Variants in NEGR1 observed in about 807,000 individuals in gnomAD.
NEGR1 encodes the protein neuronal growth regulator 1.
Under a neutral mutation model 40.9 loss-of-function variants are expected in NEGR1, and 10 were observed. The observed-to-expected ratio is 0.24, with a 90% CI of 0.15 to 0.42. NEGR1 has a LOEUF of 0.42. Ranked by LOEUF, NEGR1 falls within the 10% of genes least tolerant of loss-of-function variation. NEGR1 has a pLI of 1.00. For synonymous variants in NEGR1, 185 were observed against 166.8 expected, an observed-to-expected ratio of 1.11 and a Z score of -0.84; for missense variants, 352 against 438.9, an observed-to-expected ratio of 0.80 and a Z score of 1.77.
chr1:71,780,265 C>T (rs1283655926), intron 2 of NEGR1, among the ~76,000 whole-genome samples: 1 of 152,102 alleles, frequency 6.6e-6, no homozygotes, highest in Non-Finnish European at 1.5e-5. Flanking sequence ...TTTAAATTGT[C>T]ATGTACTTTA....
intron 1 of NEGR1, among the ~76,000 whole-genome samples, chr1:71,964,824 T>A (rs1263571742): frequency 3.3e-5 from 5 of 149,986 alleles, no homozygotes; most frequent in African/African-American, 7.3e-5. Context: ...ATAATCACAT[T>A]AAAAAAAAAA....
rs989782623 is a variant in NEGR1, at chr1:72,239,118, A to T, written c.176+43201T>A. 3.3e-5 allele frequency among the ~76,000 whole-genome samples: 5 copies of T among 151,916 alleles called. 1 individual carries two copies. The highest frequency in any genetic ancestry group is 1.2e-4 in the African/African-American group (5 of 41,434). ...TCAAGAATAATTGTCCCATTTTTCA[A>T]ATAAGAAAAAAATAAAAACAATAAA... On this transcript the variant is annotated intron_variant, in intron 1 of 6. Coordinates refer to ENST00000357731, the MANE Select transcript of NEGR1 (RefSeq NM_173808.3).
At position 71,999,632 on chromosome 1, in the gene NEGR1, AATATATATATATATAT is replaced by A. The variant is rs528857972; in HGVS notation, c.177-64337_177-64322del. Among the ~76,000 whole-genome samples the A allele has an allele frequency of 8.5e-3, 410 of 48,346 alleles. 19 individuals are homozygous for A. Among genetic ancestry groups the A allele is most frequent in the East Asian group, 0.042 (146 of 3,470 alleles). The allele number at this position is 48,346 out of a possible 152,430, so 31.7% of individuals were successfully genotyped here. ...ATGTATTTGCATCTTGAGCAAAGCA[AATATATATATATATAT>A]ATATATATATATATATATATATATA... On this transcript the variant is annotated intron_variant, in intron 1 of 6. Coordinates refer to ENST00000357731, the MANE Select transcript of NEGR1 (RefSeq NM_173808.3).
chr1:71,735,208 T>G (rs1160576888), intron 3 of NEGR1, among the ~76,000 whole-genome samples: 1 of 152,166 alleles, frequency 6.6e-6, no homozygotes, highest in Non-Finnish European at 1.5e-5. Flanking sequence ...AGGTTTAGTA[T>G]TCATCTTTCA....
At chr1:71,741,464 G>T (rs1655211027) in intron 3 of NEGR1, among the ~76,000 whole-genome samples, 1 of 151,958 alleles carries the variant, frequency 6.6e-6, no homozygotes, top group Non-Finnish European at 1.5e-5. Flanking sequence ...CTTTCAGGTT[G>T]ATCTTTCTGG....
At chr1:72,111,488 T>G (rs1457895218) in intron 1 of NEGR1, among the ~76,000 whole-genome samples, 1 of 151,678 alleles carries the variant, frequency 6.6e-6, no homozygotes, top group Non-Finnish European at 1.5e-5. Flanking sequence ...CCAACATGCA[T>G]AAAGTGCTGC....
intron 1 of NEGR1, among the ~76,000 whole-genome samples, chr1:72,077,828 AG>A (rs1269070192): frequency 6.6e-6 from 1 of 152,056 alleles, no homozygotes; most frequent in Non-Finnish European, 1.5e-5. Context: ...AAAAAGAAAA[AG>A]GGGATGAAAA....
intron 6 of NEGR1, among the ~76,000 whole-genome samples, chr1:71,586,366 G>A (rs1474844011): frequency 1.3e-5 from 2 of 152,148 alleles, no homozygotes; most frequent in Admixed American, 1.3e-4. Context: ...AATGTGATGG[G>A]TAGGAAAATA....
At chr1:71,798,384 A>G (rs1657418043) in intron 2 of NEGR1, 1 of 152,214 alleles carries the variant, frequency 6.6e-6, no homozygotes, top group South Asian at 2.1e-4. Flanking sequence ...GAGTAAGCAA[A>G]GAAAGTATAT....
At chr1:71,954,723 T>C (rs1031220085) in intron 1 of NEGR1, among the ~76,000 whole-genome samples, 7 of 151,992 alleles carry the variant, frequency 4.6e-5, no homozygotes, top group South Asian at 2.1e-4. Flanking sequence ...AAAAAGGAAA[T>C]TGGAGAAATC....
At chr1:71,503,718 C>A (rs765015610) in intron 6 of NEGR1, among the ~76,000 whole-genome samples, 1 of 151,864 alleles carries the variant, frequency 6.6e-6, no homozygotes, top group Non-Finnish European at 1.5e-5. Context: ...AAAACCACTC[C>A]TAGAAGATCC....
At chr1:71,778,188 G>T (rs150158067) in intron 2 of NEGR1, among the ~76,000 whole-genome samples, 2,955 of 151,930 alleles carry the variant, frequency 0.019, 112 homozygotes, top group Admixed American at 0.099. Context: ...TATATATATA[G>T]AGAGAGAGAC....
At chr1:71,895,793 A>G (rs899942770) in intron 2 of NEGR1, among the ~76,000 whole-genome samples, 4 of 152,094 alleles carry the variant, frequency 2.6e-5, no homozygotes, top group Admixed American at 2.6e-4. Flanking sequence ...TATATTTTCA[A>G]TTTTACTGGA....
At chr1:71,894,801 G>A (rs1660920733) in intron 2 of NEGR1, among the ~76,000 whole-genome samples, 1 of 152,286 alleles carries the variant, frequency 6.6e-6, no homozygotes, top group African/African-American at 2.4e-5. Context: ...TAAGCCACTT[G>A]GGAGGCTGAG....
chr1:71,751,687 G>A (rs1336408923), intron 3 of NEGR1, among the ~76,000 whole-genome samples: 4 of 151,364 alleles, frequency 2.6e-5, no homozygotes, highest in African/African-American at 9.7e-5. Flanking sequence ...GGCCTCCCAG[G>A]CAAATGTGCT....
chr1:71,837,658 TTA>T (rs1659087780), intron 2 of NEGR1, among the ~76,000 whole-genome samples: 1 of 152,084 alleles, frequency 6.6e-6, no homozygotes, highest in Non-Finnish European at 1.5e-5. Flanking sequence ...GTAGATAATC[TTA>T]TGTTTTCAAC....
intron 1 of NEGR1, among the ~76,000 whole-genome samples, chr1:71,995,512 G>T (rs552934165): frequency 6.6e-6 from 1 of 152,180 alleles, no homozygotes; most frequent in African/African-American, 2.4e-5. Flanking sequence ...TCTGAAGAAT[G>T]GTAGAGATTC....
chr1:71,764,415 C>T (rs545699060), intron 3 of NEGR1, among the ~76,000 whole-genome samples: 1 of 152,282 alleles, frequency 6.6e-6, no homozygotes, highest in East Asian at 1.9e-4. Context: ...GACATTCTCT[C>T]TTTACTTTTT....
chr1:72,060,468 A>C (rs1238044059), intron 1 of NEGR1, among the ~76,000 whole-genome samples: 1 of 151,680 alleles, frequency 6.6e-6, no homozygotes, highest in Non-Finnish European at 1.5e-5. Flanking sequence ...CCTCTAACCT[A>C]ACCATGTTAA....
Sources: gnomAD v4.1 joint callset for allele counts (sites outside exome capture counted in the v4.1 genomes callset) on GRCh38, gnomAD v4.1.1 for gene constraint, MANE v1.5 for transcripts, NCBI Gene and HGNC (gene_info 2026-07-23, HGNC 2026-07-21) for gene names.